ZNF133: variants seen among roughly 807,000 people sequenced by gnomAD.
The protein encoded by ZNF133 is zinc finger protein 133, also known as zinc finger protein 133 (clone pHZ-13).
Under a neutral mutation model 54.9 loss-of-function variants are expected in ZNF133, and 26 were observed. The observed-to-expected ratio is 0.47, with a 90% CI of 0.35 to 0.66. The LOEUF (loss-of-function observed/expected upper bound fraction) is 0.66, where lower values mean the gene tolerates loss of function less well. Ranked by LOEUF, ZNF133 falls within the 30% of genes least tolerant of loss-of-function variation. The pLI is 0.01. For synonymous variants in ZNF133, 298 were observed against 320.3 expected (o/e 0.93, Z 0.74); for missense variants, 653 against 820.8 (o/e 0.80, Z 2.50).
Position 18,316,266 on chromosome 20 carries a change from G to C in ZNF133, c.1415G>C (p.Gly472Ala). ...AAGCCCATTGTGTGCAAGGACTGTG[G>C]CCGGGGCTTCAGCCAGCAATCCAAC... The part of the protein sequence containing the change: ...GEKPIVCKDC[G>A]RGFSQQSNLI... The change falls in exon 7 of 7, where the codon GGC becomes GCC. Residue 472 changes from glycine (G) to alanine (A), a missense_variant. This residue lies in a region of ZNF133 where 292 missense variants were observed against 431.6 expected (regional missense o/e 0.68). Transcript: ENST00000425686. 1 of 1,611,574 alleles carries C rather than the reference G, an allele frequency of 6.2e-7. No homozygotes were observed. Among genetic ancestry groups the C allele is most frequent in the Non-Finnish European group, 8.5e-7 (1 of 1,178,728 alleles).
At chr20:18,313,916 G>T (rs1458252088) in intron 6 of ZNF133, 1 of 152,218 alleles carries the variant, frequency 6.6e-6, no homozygotes, top group East Asian at 1.9e-4. Context: ...TTAGATTGTT[G>T]GTTCCTCTGT....
Position 18,288,590 on chromosome 20 carries a change from T to A in ZNF133, c.-446T>A, listed in dbSNP as rs906741360. ...GCTGGTGGCTGGAGCGACCCCTTGT[T>A]CTTTGGTGGCGCTGGTGAGTGAGGC... is the stretch of plus-strand genomic sequence containing the variant. On this transcript the variant is annotated 5_prime_UTR_variant, in exon 1 of 7. Coordinates refer to ENST00000425686, the MANE Select transcript of ZNF133 (RefSeq NM_001352452.2). 7.3e-5 allele frequency: 29 copies of A among 398,474 alleles called. No homozygotes were observed. The highest frequency in any genetic ancestry group is 5.1e-4 in the African/African-American group (25 of 48,600). The allele number at this position is 398,474 out of a possible 1,614,324, so 24.7% of individuals were successfully genotyped here.
intron 2 of ZNF133, 109 bp downstream of exon 2, chr20:18,298,171 A>G: frequency 6.7e-7 from 1 of 1,490,296 alleles, no homozygotes; most frequent in Non-Finnish European, 8.9e-7. Flanking sequence ...AATTCCTCTT[A>G]CTTGCTCCCC....
intron 3 of ZNF133, among the ~76,000 whole-genome samples, chr20:18,299,598 A>G (rs951596625): frequency 2.6e-5 from 4 of 152,208 alleles, no homozygotes; most frequent in African/African-American, 7.2e-5. Flanking sequence ...TCAATGAACT[A>G]TAAGTAGGAA....
At chr20:18,307,193 C>G (rs2044834488) in intron 6 of ZNF133, among the ~76,000 whole-genome samples, 1 of 152,022 alleles carries the variant, frequency 6.6e-6, no homozygotes, top group African/African-American at 2.4e-5. Context: ...AAAAAATAGT[C>G]TTTAACTTAT....
intron 3 of ZNF133, among the ~76,000 whole-genome samples, chr20:18,298,871 G>T (rs1245960389): frequency 6.6e-6 from 1 of 152,090 alleles, no homozygotes; most frequent in Non-Finnish European, 1.5e-5. Flanking sequence ...CCCATGGAAA[G>T]GCACAGGCTC....
rs1354572112 is a variant in ZNF133, at chr20:18,298,284, T to A, written c.-353-5T>A. 1 of 1,364,868 alleles carries A rather than the reference T, an allele frequency of 7.3e-7. No homozygotes were observed. 84.5% of individuals were successfully genotyped at this position (1,364,868 alleles called of 1,614,324 possible). ...ATGAGATAGAGTCTGCATTTCTTTG[T>A]TCAGCTTCAAAAGTTCTGCTGCCTG... On this transcript the variant is annotated splice_polypyrimidine_tract_variant and splice_region_variant and intron_variant, in intron 2 of 6. Transcript: ENST00000425686.
chr20:18,294,937 C>T (rs1315216645), intron 1 of ZNF133, among the ~76,000 whole-genome samples: 3 of 152,126 alleles, frequency 2.0e-5, no homozygotes, highest in East Asian at 1.9e-4. Flanking sequence ...TGTTTTTGAA[C>T]TGTCATCAAG....
At chr20:18,301,250 A>G (rs1265441894) in intron 3 of ZNF133, among the ~76,000 whole-genome samples, 2 of 152,204 alleles carry the variant, frequency 1.3e-5, no homozygotes, top group African/African-American at 4.8e-5. Context: ...GAAACACAAC[A>G]TAGGAAAACT....
At chr20:18,292,886 C>G (rs1261251779) in intron 1 of ZNF133, among the ~76,000 whole-genome samples, 1 of 152,232 alleles carries the variant, frequency 6.6e-6, no homozygotes, top group African/African-American at 2.4e-5. Flanking sequence ...TCTACAGAGA[C>G]TGGCAGGAGG....
chr20:18,316,433 G>C lies in ZNF133; in HGVS notation c.1582G>C (p.Gly528Arg). 2.5e-6 allele frequency: 4 copies of C among 1,614,184 alleles called. No individual in the cohort carries two copies. Among genetic ancestry groups the C allele is most frequent in the Non-Finnish European group, 3.4e-6 (4 of 1,180,034 alleles). The stretch of plus-strand genomic sequence containing the variant: ...GAGGCCGTATGTGTGCCGAGAGTGC[G>C]GGCGAGGCTTTAGCCACCAGGCCGG... ...GERPYVCREC[G>R]RGFSHQAGLI... The change falls in exon 7 of 7, where the codon GGG becomes CGG. Residue 528 changes from glycine (G) to arginine (R), a missense_variant. Gly to Arg is a moderately radical substitution (Grantham distance 125, BLOSUM62 -2). Coordinates refer to ENST00000425686, the MANE Select transcript of ZNF133 (RefSeq NM_001352452.2).
chr20:18,294,915 T>C (rs1042129367), intron 1 of ZNF133, among the ~76,000 whole-genome samples: 17 of 152,236 alleles, frequency 1.1e-4, no homozygotes, highest in Admixed American at 2.6e-4. Context: ...TGACAATTAG[T>C]CTATAATTTT....
At chr20:18,290,800 G>A (rs2040790360) in intron 1 of ZNF133, among the ~76,000 whole-genome samples, 1 of 151,980 alleles carries the variant, frequency 6.6e-6, no homozygotes, top group Admixed American at 6.6e-5. Flanking sequence ...AGTTTTCCTT[G>A]CATCCTTGTT....
intron 6 of ZNF133, chr20:18,306,639 T>C: frequency 8.4e-7 from 1 of 1,185,784 alleles, no homozygotes; most frequent in Non-Finnish European, 1.1e-6. Flanking sequence ...GGGTTTCTCC[T>C]CTCTAGCTCA....
chr20:18,312,024 G>A (rs13036761), intron 6 of ZNF133, among the ~76,000 whole-genome samples: 2,110 of 152,302 alleles, frequency 0.014, 29 homozygotes, highest in Middle Eastern at 0.051. Flanking sequence ...TGGTTGGTTG[G>A]TTGGTTTGCA....
At chr20:18,306,186 C>T in intron 5 of ZNF133, 112 bp from the exon 6 acceptor site, 3 of 999,660 alleles carry the variant, frequency 3.0e-6, no homozygotes, top group Non-Finnish European at 4.4e-6. Context: ...TCACCTCTTC[C>T]AACTCAGGGC....
chr20:18,290,988 G>A (rs145664682), intron 1 of ZNF133, among the ~76,000 whole-genome samples: 5 of 152,250 alleles, frequency 3.3e-5, no homozygotes, highest in Admixed American at 1.3e-4. Context: ...TTAGCCAGGC[G>A]TGGTGGCACA....
At chr20:18,291,766 G>A (rs2041083481) in intron 1 of ZNF133, among the ~76,000 whole-genome samples, 2 of 150,808 alleles carry the variant, frequency 1.3e-5, no homozygotes, top group South Asian at 4.2e-4. Context: ...AGGCTGGAGT[G>A]CAGTGGCACA....
chr20:18,297,764 GT>G (rs917461641), intron 1 of ZNF133, among the ~76,000 whole-genome samples: 1 of 151,888 alleles, frequency 6.6e-6, no homozygotes, highest in African/African-American at 2.4e-5. Context: ...CTTTGTTGTT[GT>G]TTTTTGTTTT....
Sources: allele counts gnomAD v4.1 joint callset (sites outside exome capture counted in the v4.1 genomes callset), GRCh38; gene constraint gnomAD v4.1.1; regional missense constraint gnomAD v4.1.1; transcripts MANE v1.5; gene names NCBI Gene and HGNC (gene_info 2026-07-23, HGNC 2026-07-21).